RAPGEF4: variants seen among roughly 807,000 people sequenced by gnomAD.
The protein encoded by RAPGEF4 is RAP guanine-nucleotide-exchange factor (GEF) 4.
A neutral mutation model predicts 147.9 loss-of-function variants in RAPGEF4; 66 were observed. That is an observed-to-expected ratio of 0.45 (90% CI 0.37 to 0.55). RAPGEF4 has a LOEUF of 0.55. Ranked by LOEUF, RAPGEF4 falls within the 20% of genes least tolerant of loss-of-function variation. RAPGEF4 has a pLI of 0.00. For synonymous variants in RAPGEF4, 419 were observed against 442.7 expected, an observed-to-expected ratio of 0.95 and a Z score of 0.67; for missense variants, 1,071 against 1,257.3, an observed-to-expected ratio of 0.85 and a Z score of 2.24.
At chr2:172,996,808 A>T (rs770382343) in intron 16 of RAPGEF4, among the ~76,000 whole-genome samples, 2 of 152,106 alleles carry the variant, frequency 1.3e-5, no homozygotes, top group Non-Finnish European at 2.9e-5. Flanking sequence ...TTCCCTAGGC[A>T]TCTCTCTCTT....
intron 1 of RAPGEF4, among the ~76,000 whole-genome samples, chr2:172,772,338 A>G (rs1683708703): frequency 6.6e-6 from 1 of 150,838 alleles, no homozygotes; most frequent in African/African-American, 2.4e-5. Context: ...ATATTATTTT[A>G]TTATTTTATT....
At chr2:172,747,121 G>A (rs993620965) in intron 1 of RAPGEF4, among the ~76,000 whole-genome samples, 5 of 152,174 alleles carry the variant, frequency 3.3e-5, no homozygotes, top group South Asian at 4.1e-4. Flanking sequence ...TTATACCCTG[G>A]ATGAAGGCAT....
At chr2:172,884,555 C>A (rs577944315) in intron 4 of RAPGEF4, among the ~76,000 whole-genome samples, 2 of 152,314 alleles carry the variant, frequency 1.3e-5, no homozygotes, top group South Asian at 4.1e-4. Context: ...CAAAGCATTG[C>A]CTCATATGTG....
chr2:172,963,320 A>G (rs1689493865), intron 8 of RAPGEF4, among the ~76,000 whole-genome samples: 1 of 152,240 alleles, frequency 6.6e-6, no homozygotes, highest in South Asian at 2.1e-4. Flanking sequence ...GGTTAAAATA[A>G]ATAAATCAAT....
chr2:172,821,876 C>A (rs757018112), intron 4 of RAPGEF4: 2 of 1,590,038 alleles, frequency 1.3e-6, no homozygotes, highest in African/African-American at 1.4e-5. Context: ...AGGGAATGAA[C>A]GGCAATGAAG....
chr2:173,036,671 T>C lies in RAPGEF4; in HGVS notation c.2832T>C (p.Asn944=). 1 of 1,611,428 alleles carries C rather than the reference T, an allele frequency of 6.2e-7. No individual in the cohort carries two copies. Among genetic ancestry groups the C allele is most frequent in the Middle Eastern group, 1.6e-4 (1 of 6,062 alleles). Residue 944 remains asparagine (N), a synonymous_variant, in exon 29 of 31, where the codon AAT becomes AAC. Coordinates refer to ENST00000397081, the MANE Select transcript of RAPGEF4 (RefSeq NM_007023.4). ...AGGGGAACAAGACGTTCATTGACAA[T>C]CTAGTAAACTTTGAAAAAATGGTAT... ...THEGNKTFID[N]LVNFEKMRMI...
At chr2:172,764,903 T>G (rs1377250473) in intron 1 of RAPGEF4, among the ~76,000 whole-genome samples, 1 of 152,144 alleles carries the variant, frequency 6.6e-6, no homozygotes, top group East Asian at 1.9e-4. Context: ...GGAAGGTGAA[T>G]TTCTATGGGA....
chr2:172,930,520 G>C (rs1685809270), intron 6 of RAPGEF4, among the ~76,000 whole-genome samples: 1 of 152,020 alleles, frequency 6.6e-6, no homozygotes, highest in East Asian at 1.9e-4. Flanking sequence ...TGTTCTCTTT[G>C]TTTGCCCCCC....
At chr2:172,943,885 T>G (rs1687416835) in intron 6 of RAPGEF4, among the ~76,000 whole-genome samples, 1 of 152,132 alleles carries the variant, frequency 6.6e-6, no homozygotes, top group Admixed American at 6.5e-5. Context: ...TATGGTAAGA[T>G]CACTGAGGTT....
At position 172,760,959 on chromosome 2, in the gene RAPGEF4, C is replaced by A. The variant is rs372962208; in HGVS notation, c.65+24911C>A. On this transcript the variant is annotated intron_variant, in intron 1 of 30. Coordinates refer to ENST00000397081, the MANE Select transcript of RAPGEF4 (RefSeq NM_007023.4). ...CACACCAAGACACATAACCAAACTACTGAAAACTAAACATAAAGAAAACAT... is the reference window on the plus strand; with the variant it reads ...CACACCAAGACACATAACCAAACTAATGAAAACTAAACATAAAGAAAACAT... Among the ~76,000 whole-genome samples the A allele has an allele frequency of 4.0e-5, 6 of 151,808 alleles. 1 individual carries two copies. In the South Asian group the frequency reaches 1.0e-3, roughly 26 times the overall value.
intron 4 of RAPGEF4, among the ~76,000 whole-genome samples, chr2:172,870,115 C>CGTG (rs1418193122): frequency 6.6e-6 from 1 of 152,194 alleles, no homozygotes; most frequent in East Asian, 1.9e-4. Context: ...GCTGTTACCA[C>CGTG]TGTGTGGATA....
chr2:172,815,047 T>G (rs879719966), intron 4 of RAPGEF4, among the ~76,000 whole-genome samples: 3 of 152,210 alleles, frequency 2.0e-5, no homozygotes, highest in Admixed American at 2.0e-4. Flanking sequence ...TAAATCATCT[T>G]ACATGCAGTC....
chr2:173,048,792 T>C, intron 30 of RAPGEF4, 138 bp downstream of exon 30: 2 of 1,470,644 alleles, frequency 1.4e-6, no homozygotes, highest in Non-Finnish European at 1.8e-6. Flanking sequence ...TTCCATGAGA[T>C]AGGGGCCTTG....
chr2:172,825,756 AT>A (rs1689602860), intron 4 of RAPGEF4, among the ~76,000 whole-genome samples: 1 of 152,182 alleles, frequency 6.6e-6, no homozygotes, highest in African/African-American at 2.4e-5. Flanking sequence ...ACCTGGCTAT[AT>A]TCATGATTAA....
intron 22 of RAPGEF4, 47 bp downstream of exon 22, chr2:173,018,849 C>T (rs748106019): frequency 1.9e-6 from 3 of 1,590,758 alleles, no homozygotes; most frequent in Admixed American, 3.4e-5. Flanking sequence ...TGGGACATTC[C>T]ATCCAAGCAG....
intron 6 of RAPGEF4, among the ~76,000 whole-genome samples, chr2:172,960,069 G>T (rs1207691554): frequency 6.6e-6 from 1 of 152,058 alleles, no homozygotes; most frequent in Non-Finnish European, 1.5e-5. Flanking sequence ...CTCCAGCCTG[G>T]GCAACAGAGC....
intron 4 of RAPGEF4, among the ~76,000 whole-genome samples, chr2:172,830,995 C>G (rs1690244187): frequency 6.6e-6 from 1 of 152,066 alleles, no homozygotes; most frequent in Non-Finnish European, 1.5e-5. Flanking sequence ...TAATAGGTTG[C>G]TGGGCAAGAC....
chr2:172,991,831 C>T (rs914163683), intron 15 of RAPGEF4, among the ~76,000 whole-genome samples: 3 of 152,154 alleles, frequency 2.0e-5, no homozygotes, highest in Non-Finnish European at 4.4e-5. Flanking sequence ...GACTAAAAGT[C>T]TAAGGCCCAG....
chr2:172,952,923 T>C (rs544284812), intron 6 of RAPGEF4, among the ~76,000 whole-genome samples: 3 of 152,338 alleles, frequency 2.0e-5, no homozygotes, highest in Admixed American at 6.5e-5. Flanking sequence ...CTTGCAGCAC[T>C]GTGTTAGGGT....
Sources: allele counts gnomAD v4.1 joint callset (sites outside exome capture counted in the v4.1 genomes callset), GRCh38; gene constraint gnomAD v4.1.1; transcripts MANE v1.5; gene names NCBI Gene and HGNC (gene_info 2026-07-23, HGNC 2026-07-21).